Variants in TTLL9 observed in about 807,000 individuals in gnomAD.
TTLL9 encodes the protein probable tubulin polyglutamylase TTLL9.
Under a neutral mutation model 65.6 loss-of-function variants are expected in TTLL9, and 47 were observed. That is an observed-to-expected ratio of 0.72 (90% confidence interval 0.57 to 0.91). The LOEUF (loss-of-function observed/expected upper bound fraction) is 0.91, where lower values mean the gene tolerates loss of function less well. Ranked by LOEUF, TTLL9 falls within the 40% of genes least tolerant of loss-of-function variation. The pLI, the probability that TTLL9 is intolerant of heterozygous loss-of-function variation, is 0.00. For missense variants in TTLL9, 537 were observed against 568.8 expected, an observed-to-expected ratio of 0.94 and a Z score of 0.57; for synonymous variants, 179 against 204.8, an observed-to-expected ratio of 0.87 and a Z score of 1.07.
chr20:31,893,669 CTT>C (rs35254749), intron 3 of TTLL9, among the ~76,000 whole-genome samples: 10 of 142,088 alleles, frequency 7.0e-5, no homozygotes, highest in Admixed American at 7.1e-5. Context: ...TTTCCTCAGG[CTT>C]TTTTTTTTTT....
intron 11 of TTLL9, 30 bp from the exon 12 acceptor site, chr20:31,934,662 C>T (rs1568837490): frequency 6.3e-7 from 1 of 1,584,054 alleles, no homozygotes; most frequent in East Asian, 2.3e-5. Flanking sequence ...AACTGAGGCT[C>T]CTCTCTCGAC....
Position 31,919,852 on chromosome 20 carries a change from A to G in TTLL9, c.505-12A>G. On this transcript the variant is annotated splice_polypyrimidine_tract_variant and intron_variant, in intron 6 of 14. Transcript: ENST00000535842. ...AGCTAAGAGCTGGCTTTCTGCCCCC[A>G]TCCCACCCCAGGTAGCCCGGTCTCA... 2 of 1,582,038 alleles carry G rather than the reference A, an allele frequency of 1.3e-6. No homozygotes were observed. Among genetic ancestry groups the G allele is most frequent in the East Asian group, 2.4e-5 (1 of 41,594 alleles).
chr20:31,887,756 G>A (rs13041378), intron 3 of TTLL9, among the ~76,000 whole-genome samples: 1,814 of 152,280 alleles, frequency 0.012, 25 homozygotes, highest in Non-Finnish European at 0.019. Flanking sequence ...AGTGAGCAAC[G>A]TAGACTTTAC....
intron 11 of TTLL9, among the ~76,000 whole-genome samples, chr20:31,934,129 A>C (rs6089122): frequency 6.6e-6 from 1 of 152,320 alleles, no homozygotes; most frequent in Non-Finnish European, 1.5e-5. Flanking sequence ...GATATCTTCT[A>C]TTGGTCAACG....
intron 11 of TTLL9, 81 bp downstream of exon 11, chr20:31,933,939 C>G: frequency 7.0e-7 from 1 of 1,425,050 alleles, no homozygotes; most frequent in South Asian, 1.3e-5. Context: ...TGGCAAGGAG[C>G]CCAGGACAGG....
At chr20:31,875,229 AG>A (rs1201950147) in intron 2 of TTLL9, among the ~76,000 whole-genome samples, 5 of 152,138 alleles carry the variant, frequency 3.3e-5, no homozygotes, top group African/African-American at 1.2e-4. Context: ...TGAAATAGGG[AG>A]GAAAAAAAAC....
At chr20:31,912,474 A>G (rs371594454) in intron 6 of TTLL9, among the ~76,000 whole-genome samples, 4 of 152,018 alleles carry the variant, frequency 2.6e-5, no homozygotes, top group Admixed American at 1.3e-4. Flanking sequence ...CATCCCACCC[A>G]CCCCAGAGTA....
At chr20:31,887,088 A>G (rs2063201113) in intron 2 of TTLL9, 108 bp from the exon 3 acceptor site, 6 of 1,122,536 alleles carry the variant, frequency 5.3e-6, no homozygotes, top group African/African-American at 1.5e-5. Flanking sequence ...GAACCTAGGC[A>G]TTGTTGAGTC....
Position 31,943,314 on chromosome 20 carries a change from T to C in TTLL9, c.*293T>C, listed in dbSNP as rs1327019477. 2 of 475,882 alleles carry C rather than the reference T, an allele frequency of 4.2e-6. No individual in the cohort carries two copies. Among genetic ancestry groups the C allele is most frequent in the Non-Finnish European group, 7.8e-6 (2 of 258,020 alleles). The allele number at this position is 475,882 out of a possible 1,614,324, so 29.5% of individuals were successfully genotyped here. On this transcript the variant is annotated 3_prime_UTR_variant, in exon 15 of 15. Coordinates refer to ENST00000535842, the MANE Select transcript of TTLL9 (RefSeq NM_001008409.5). ...CAAAGAGAACAAATACAGCAAGTTC[T>C]GCTACCCCCAGGAGATCATATCTAA...
intron 3 of TTLL9, among the ~76,000 whole-genome samples, chr20:31,892,573 G>A (rs2063322602): frequency 1.3e-5 from 2 of 152,200 alleles, no homozygotes. Context: ...TGGCTTATTA[G>A]AAAACATTTG....
intron 7 of TTLL9, among the ~76,000 whole-genome samples, chr20:31,921,469 C>G (rs1381391231): frequency 6.6e-6 from 1 of 152,186 alleles, no homozygotes; most frequent in African/African-American, 2.4e-5. Context: ...CATCCCATTA[C>G]TGGGTATATA....
intron 3 of TTLL9, among the ~76,000 whole-genome samples, chr20:31,889,105 T>G (rs2063243538): frequency 6.6e-6 from 1 of 152,094 alleles, no homozygotes; most frequent in Admixed American, 6.6e-5. Flanking sequence ...ATGTGCCTTA[T>G]TGAGGGCACA....
intron 10 of TTLL9, among the ~76,000 whole-genome samples, chr20:31,930,946 C>T (rs539663244): frequency 6.6e-6 from 1 of 152,226 alleles, no homozygotes; most frequent in African/African-American, 2.4e-5. Context: ...CTAAGGAGGC[C>T]CGCTGTCTCC....
rs2064061991 is a variant in TTLL9, at chr20:31,933,919, G to T, written c.807+61G>T. 6 of 1,530,572 alleles carry T rather than the reference G, an allele frequency of 3.9e-6. No individual in the cohort carries two copies. In the East Asian group the frequency reaches 1.4e-4, roughly 37 times the overall value. The allele number at this position is 1,530,572 out of a possible 1,614,324, so 94.8% of individuals were successfully genotyped here. ...CCCTCTGGCGCCAGGTCGGGGTGGG[G>T]AGGGTGGAGTGGCAAGGAGCCCAGG... On this transcript the variant is annotated intron_variant, in intron 11 of 14. Transcript: ENST00000535842.
intron 3 of TTLL9, among the ~76,000 whole-genome samples, chr20:31,897,715 G>A (rs73903682): frequency 0.087 from 13,180 of 152,014 alleles, 754 homozygotes; most frequent in African/African-American, 0.15. Context: ...AGCACCGAGC[G>A]GGGGTGTTGG....
intron 2 of TTLL9, chr20:31,879,738 C>A (rs2123379980): frequency 1.4e-6 from 2 of 1,389,914 alleles, no homozygotes; most frequent in East Asian, 2.5e-5. Context: ...TGGACCAGAG[C>A]CTGCGCACTC....
chr20:31,929,416 G>C (rs148863870), intron 10 of TTLL9, among the ~76,000 whole-genome samples: 49 of 152,274 alleles, frequency 3.2e-4, no homozygotes, highest in African/African-American at 1.2e-3. Flanking sequence ...AAAAGAAAGA[G>C]AAACCTTCTC....
chr20:31,888,215 G>T (rs1600531237), intron 3 of TTLL9, among the ~76,000 whole-genome samples: 1 of 152,058 alleles, frequency 6.6e-6, no homozygotes, highest in East Asian at 1.9e-4. Flanking sequence ...AGTCCCTCCT[G>T]GCTATACTAC....
intron 4 of TTLL9, among the ~76,000 whole-genome samples, chr20:31,905,713 G>A (rs538097038): frequency 5.1e-4 from 78 of 152,218 alleles, no homozygotes; most frequent in African/African-American, 1.8e-3. Flanking sequence ...GCAGCCACAA[G>A]GAGAAGCAAT....
Sources: allele counts gnomAD v4.1 joint callset (sites outside exome capture counted in the v4.1 genomes callset), GRCh38; gene constraint gnomAD v4.1.1; transcripts MANE v1.5; gene names NCBI Gene and HGNC (gene_info 2026-07-23, HGNC 2026-07-21).